Variants in RGS7 observed in about 807,000 individuals in gnomAD.
RGS7 encodes the protein regulator of G protein signaling 7, also known as regulator of G-protein signaling 7.
In RGS7, 27 loss-of-function variants were observed where a neutral mutation model predicts 81.1. The ratio of observed to expected loss-of-function variants is 0.33; its 90% CI spans 0.25 to 0.46. The LOEUF (loss-of-function observed/expected upper bound fraction) is 0.46. Among genes scored for constraint, RGS7 ranks in the 20% least tolerant of loss-of-function variants. RGS7 has a pLI of 1.00. For missense variants in RGS7, 396 were observed against 607.4 expected (o/e 0.65, Z 3.66); for synonymous variants, 208 against 207.7 (o/e 1.00, Z -0.01).
chr1:240,923,234 G>T (rs1375373245), intron 6 of RGS7, among the ~76,000 whole-genome samples: 2 of 151,936 alleles, frequency 1.3e-5, no homozygotes, highest in Non-Finnish European at 2.9e-5. Flanking sequence ...TTAGGGCAGT[G>T]AAACTAAATG....
chr1:241,069,420 C>T (rs954651334), intron 3 of RGS7, among the ~76,000 whole-genome samples: 7 of 152,044 alleles, frequency 4.6e-5, no homozygotes, highest in African/African-American at 1.4e-4. Context: ...TAAAGAAGAA[C>T]GGGGGAAAAT....
chr1:241,133,942 GAA>G (rs1251101300), intron 2 of RGS7, among the ~76,000 whole-genome samples: 4 of 152,020 alleles, frequency 2.6e-5, no homozygotes, highest in Admixed American at 2.6e-4. Context: ...CAGAGGGAGA[GAA>G]AGAGAGAGAG....
intron 2 of RGS7, among the ~76,000 whole-genome samples, chr1:241,134,333 G>A (rs967657736): frequency 6.6e-6 from 1 of 152,172 alleles, no homozygotes; most frequent in Non-Finnish European, 1.5e-5. Context: ...GAAACCATAT[G>A]ACAAATCCAG....
chr1:241,044,406 T>G (rs1249145615), intron 3 of RGS7, among the ~76,000 whole-genome samples: 1 of 152,014 alleles, frequency 6.6e-6, no homozygotes, highest in Non-Finnish European at 1.5e-5. Flanking sequence ...TACCGTGCCC[T>G]GCCCTGAATT....
intron 3 of RGS7, among the ~76,000 whole-genome samples, chr1:241,024,633 G>A (rs1401986964): frequency 3.9e-5 from 6 of 152,252 alleles, no homozygotes; most frequent in Admixed American, 1.3e-4. Flanking sequence ...ACTTAAGGAC[G>A]CCGAATGGAA....
chr1:240,920,259 G>A, intron 6 of RGS7: 1 of 1,266,548 alleles, frequency 7.9e-7, no homozygotes, highest in Non-Finnish European at 1.1e-6. Flanking sequence ...AAACTTTGGT[G>A]GTGATCGTGG....
chr1:241,029,409 G>A (rs1168309863), intron 3 of RGS7, among the ~76,000 whole-genome samples: 2 of 152,118 alleles, frequency 1.3e-5, no homozygotes, highest in Non-Finnish European at 2.9e-5. Context: ...ATCTGACGTG[G>A]GGTTTGGAAT....
At chr1:241,017,632 A>G (rs1254170845) in intron 3 of RGS7, among the ~76,000 whole-genome samples, 4 of 151,928 alleles carry the variant, frequency 2.6e-5, no homozygotes, top group Non-Finnish European at 1.5e-5. Context: ...ATTTTTCTCC[A>G]TTCTCTTCTT....
intron 2 of RGS7, among the ~76,000 whole-genome samples, chr1:241,239,766 GA>G (rs961165810): frequency 6.6e-6 from 1 of 152,166 alleles, no homozygotes; most frequent in Admixed American, 6.5e-5. Context: ...CAGATCTCCT[GA>G]GTCAGAAATT....
chr1:241,266,266 A>G lies in RGS7; in HGVS notation c.78+89433T>C, dbSNP rs2077588227. Among the ~76,000 whole-genome samples the G allele has an allele frequency of 2.0e-5, 3 of 152,180 alleles. 1 individual carries two copies. In the South Asian group the frequency reaches 6.2e-4, roughly 31 times the overall value. On this transcript the variant is annotated intron_variant, in intron 2 of 18. Transcript: ENST00000440928. ...TCATGTTATTTTTCCAAGGATTAAC[A>G]CCAAATTTTCAAGACTGTTATTCAC...
At position 240,905,466 on chromosome 1, in the gene RGS7, G is replaced by A. The variant is rs867148594; in HGVS notation, c.385+25251C>T. 2.0e-5 allele frequency among the ~76,000 whole-genome samples: 3 copies of A among 152,248 alleles called. 1 individual carries two copies. The highest frequency in any genetic ancestry group is 3.4e-3 in the Middle Eastern group (1 of 294). On this transcript the variant is annotated intron_variant, in intron 6 of 18. Transcript: ENST00000440928. The stretch of plus-strand genomic sequence containing the variant: ...ACCATGTATGATTGGGAATAAAATG[G>A]GATCTCAAAATCAGATTCCATTTTG...
At chr1:241,311,340 C>T (rs570363017) in intron 2 of RGS7, among the ~76,000 whole-genome samples, 12 of 152,174 alleles carry the variant, frequency 7.9e-5, no homozygotes, top group African/African-American at 2.9e-4. Flanking sequence ...AGATAGGAAC[C>T]TAATAAAAAC....
intron 3 of RGS7, among the ~76,000 whole-genome samples, chr1:241,050,702 C>T (rs769112557): frequency 2.0e-5 from 3 of 152,090 alleles, no homozygotes; most frequent in African/African-American, 4.8e-5. Flanking sequence ...TCCTCCTCCT[C>T]CACAGCCTAC....
At chr1:241,329,862 T>G (rs1421744629) in intron 2 of RGS7, among the ~76,000 whole-genome samples, 2 of 152,226 alleles carry the variant, frequency 1.3e-5, no homozygotes, top group African/African-American at 2.4e-5. Flanking sequence ...GCTTTCCCAT[T>G]GTATAGCAGC....
intron 3 of RGS7, among the ~76,000 whole-genome samples, chr1:240,994,826 C>G (rs144036074): frequency 2.0e-3 from 301 of 152,122 alleles, no homozygotes; most frequent in African/African-American, 6.8e-3. Flanking sequence ...CCTCTATTGT[C>G]CATGCTTGGC....
At chr1:241,188,411 G>GA (rs904065975) in intron 2 of RGS7, among the ~76,000 whole-genome samples, 31 of 150,980 alleles carry the variant, frequency 2.1e-4, no homozygotes, top group Admixed American at 1.3e-3. Flanking sequence ...TGGGTTTTCA[G>GA]AAAAAAAAGT....
At chr1:240,963,359 C>A (rs550223961) in intron 4 of RGS7, among the ~76,000 whole-genome samples, 2 of 151,934 alleles carry the variant, frequency 1.3e-5, no homozygotes, top group South Asian at 4.2e-4. Flanking sequence ...CAACAATGGG[C>A]AAAATAAGGA....
chr1:240,826,303 G>T (rs1328341782), intron 10 of RGS7, among the ~76,000 whole-genome samples: 1 of 152,186 alleles, frequency 6.6e-6, no homozygotes, highest in East Asian at 1.9e-4. Flanking sequence ...CTTTGAACAT[G>T]ATGGTATGTT....
Position 241,128,777 on chromosome 1 carries a change from CAAAAAAAAA to C in RGS7, c.79-30024_79-30016del, listed in dbSNP as rs71172680. On this transcript the variant is annotated intron_variant, in intron 2 of 18. Transcript: ENST00000440928. ...CTATTTGGACATGCAGAATAATAGG[CAAAAAAAAA>C]AAAAAAAAAAAAACTCTTCAGAGGA... Among the ~76,000 whole-genome samples, 5 of 77,942 alleles carry C rather than the reference CAAAAAAAAA, an allele frequency of 6.4e-5. No individual in the cohort carries two copies. In the South Asian group the frequency reaches 1.8e-3, roughly 28 times the overall value. 51.1% of individuals were successfully genotyped at this position (77,942 alleles called of 152,430 possible).
Sources: allele counts gnomAD v4.1 joint callset (sites outside exome capture counted in the v4.1 genomes callset), GRCh38; gene constraint gnomAD v4.1.1; transcripts MANE v1.5; gene names NCBI Gene and HGNC (gene_info 2026-07-23, HGNC 2026-07-21).